The following LPCAT1 variants were observed in gnomAD, a reference collection of about 807,000 sequenced individuals.
The protein encoded by LPCAT1 is lysophosphatidylcholine acyltransferase 1.
A neutral mutation model predicts 60.9 loss-of-function variants in LPCAT1; 23 were observed. The observed-to-expected ratio is 0.38, with a 90% confidence interval of 0.27 to 0.53. The LOEUF is 0.53. LPCAT1 is among the 20% of genes least tolerant of loss of function. The pLI, the probability that LPCAT1 is intolerant of heterozygous loss-of-function variation, is 0.82. For missense variants in LPCAT1, 622 were observed against 723.6 expected, an observed-to-expected ratio of 0.86 and a Z score of 1.61; for synonymous variants, 340 against 301.1, an observed-to-expected ratio of 1.13 and a Z score of -1.34.
In LPCAT1 at chr5:1,471,505, A is replaced by T. The variant is rs536847859; in HGVS notation, c.1180-581T>A. ...CTGCACTTCTGATGACGATGGGGAC[A>T]GTCTGCACGTGGCTGCAGGGTGTGC... On this transcript the variant is annotated intron_variant, in intron 11 of 13. Transcript: ENST00000283415. Among the ~76,000 whole-genome samples, 9 of 152,368 alleles carry T rather than the reference A, an allele frequency of 5.9e-5. 1 individual carries two copies. In the East Asian group the frequency reaches 1.7e-3, roughly 29 times the overall value.
chr5:1,515,608 T>C (rs1333954722), intron 1 of LPCAT1, among the ~76,000 whole-genome samples: 3 of 146,058 alleles, frequency 2.1e-5, no homozygotes, highest in East Asian at 2.0e-4. Context: ...TATCTACAGA[T>C]ACTGGGACCC....
intron 12 of LPCAT1, among the ~76,000 whole-genome samples, chr5:1,469,948 G>A (rs1232594004): frequency 6.6e-6 from 1 of 152,236 alleles, no homozygotes; most frequent in East Asian, 1.9e-4. Context: ...AAATGTTGAG[G>A]TCATCGAGTT....
chr5:1,513,448 C>G (rs1042696252), intron 1 of LPCAT1, among the ~76,000 whole-genome samples: 4 of 152,160 alleles, frequency 2.6e-5, no homozygotes, highest in Non-Finnish European at 5.9e-5. Context: ...GGCAGGTGCT[C>G]GCAAGAAGAA....
intron 11 of LPCAT1, among the ~76,000 whole-genome samples, chr5:1,471,423 G>T (rs1322050031): frequency 6.6e-6 from 1 of 152,228 alleles, no homozygotes; most frequent in Non-Finnish European, 1.5e-5. Context: ...AGTCTCCAGG[G>T]ACATGCTGAT....
At chr5:1,501,704 G>A in intron 1 of LPCAT1, 101 bp from the exon 2 acceptor site, 1 of 1,222,980 alleles carries the variant, frequency 8.2e-7, no homozygotes, top group Admixed American at 1.9e-5. Context: ...GCCCCACAGA[G>A]TGGAGAGCTG....
intron 11 of LPCAT1, among the ~76,000 whole-genome samples, chr5:1,471,906 G>A (rs1229589184): frequency 6.7e-6 from 1 of 148,416 alleles, no homozygotes; most frequent in Admixed American, 6.7e-5. Flanking sequence ...AAGATGAGGA[G>A]CACCCAGGAG....
chr5:1,508,186 G>C (rs1362530223), intron 1 of LPCAT1, among the ~76,000 whole-genome samples: 1 of 152,190 alleles, frequency 6.6e-6, no homozygotes, highest in African/African-American at 2.4e-5. Flanking sequence ...GCGCCAAGCA[G>C]GGCGGGCACA....
Position 1,480,464 on chromosome 5 carries a change from G to T in LPCAT1, c.761+478C>A. On this transcript the variant is annotated intron_variant, in intron 7 of 13. Coordinates refer to ENST00000283415, the MANE Select transcript of LPCAT1 (RefSeq NM_024830.5). This position sits in a 1 kb window ranked among gnomAD's most constrained non-coding sequence, Gnocchi z 6.4. ...CTGTGGCCCCGGGCTTCTCCTCTGGGGCTCGTTCCCGTTTCCGTGGGGTTG... is the reference window on the plus strand; with the variant it reads ...CTGTGGCCCCGGGCTTCTCCTCTGGTGCTCGTTCCCGTTTCCGTGGGGTTG... 1 of 707,280 alleles carries T rather than the reference G, an allele frequency of 1.4e-6. No individual in the cohort carries two copies. Among genetic ancestry groups the T allele is most frequent in the Non-Finnish European group, 1.7e-6 (1 of 575,972 alleles). The allele number at this position is 707,280 out of a possible 1,614,324, so 43.8% of individuals were successfully genotyped here.
intron 2 of LPCAT1, among the ~76,000 whole-genome samples, chr5:1,498,741 T>C (rs1308169775): frequency 2.0e-5 from 3 of 152,112 alleles, no homozygotes; most frequent in Non-Finnish European, 2.9e-5. Context: ...CATATATACA[T>C]GCACTCACAT....
In LPCAT1 at chr5:1,494,636, C is replaced by T. The variant is rs544186442; in HGVS notation, c.493+64G>A. 4.6e-5 allele frequency: 66 copies of T among 1,449,776 alleles called. No homozygotes were observed. The African/African-American group carries it at 7.4e-4, about 16-fold the overall frequency. 89.8% of individuals were successfully genotyped at this position (1,449,776 alleles called of 1,614,324 possible). A position where few individuals can be genotyped will look rare whatever the true frequency, so the allele number is the denominator to read the frequency against. ...GAGGGGAATCTCTTATTCTCAGCAG[C>T]AGGGGGATCTCTCACTCCCAGCAGG... On this transcript the variant is annotated intron_variant, in intron 3 of 13. Coordinates refer to ENST00000283415, the MANE Select transcript of LPCAT1 (RefSeq NM_024830.5).
intron 2 of LPCAT1, among the ~76,000 whole-genome samples, chr5:1,501,039 G>A (rs1735984705): frequency 6.6e-6 from 1 of 152,148 alleles, no homozygotes; most frequent in Non-Finnish European, 1.5e-5. Context: ...CCATGGGCAG[G>A]GCCAGAGCTG....
chr5:1,470,698 C>T (rs7725530), intron 12 of LPCAT1, 128 bp downstream of exon 12: 42 of 640,120 alleles, frequency 6.6e-5, no homozygotes, highest in Admixed American at 2.1e-4. Flanking sequence ...AAAAAGCTTA[C>T]GTAAAAATAG....
Position 1,508,577 on chromosome 5 carries a change from G to A in LPCAT1, c.136-6974C>T, listed in dbSNP as rs533181624. On this transcript the variant is annotated intron_variant, in intron 1 of 13. Coordinates refer to ENST00000283415, the MANE Select transcript of LPCAT1 (RefSeq NM_024830.5). ...ACCAGCCCTGCTGCGCCTCGGTCTC[G>A]GACTCCAGCCTCCAGGATGGTGAGA... Among the ~76,000 whole-genome samples, 20 of 152,234 alleles carry A rather than the reference G, an allele frequency of 1.3e-4. No individual in the cohort carries two copies. The East Asian group carries it at 2.9e-3, about 22-fold the overall frequency.
rs1345117026 is a variant in LPCAT1, at chr5:1,495,810, G to A, written c.279-896C>T. On this transcript the variant is annotated intron_variant, in intron 2 of 13. Transcript: ENST00000283415. The surrounding 1 kb of genome is among the most constrained non-coding windows in gnomAD (Gnocchi z 4.7). ...CCTGAAGCCTTACTGGATTCACATT[G>A]CCCTGGGACAGATGATCCTCCCAGA... Among the ~76,000 whole-genome samples, 2 of 152,210 alleles carry A rather than the reference G, an allele frequency of 1.3e-5. No homozygotes were observed. Among genetic ancestry groups the A allele is most frequent in the Non-Finnish European group, 2.9e-5 (2 of 68,036 alleles).
Position 1,476,408 on chromosome 5 carries a change from G to A in LPCAT1, c.899+996C>T, listed in dbSNP as rs1020208484. Among the ~76,000 whole-genome samples the A allele has an allele frequency of 2.0e-5, 3 of 152,100 alleles. No individual in the cohort carries two copies. The highest frequency in any genetic ancestry group is 7.2e-5 in the African/African-American group (3 of 41,404). The stretch of plus-strand genomic sequence containing the variant: ...GGAGAGGATGGGAACGTGAGGGAAC[G>A]GGCCGCCCAGCTGAATCTTCAGGGT... On this transcript the variant is annotated intron_variant, in intron 9 of 13. Coordinates refer to ENST00000283415, the MANE Select transcript of LPCAT1 (RefSeq NM_024830.5). The surrounding 1 kb of genome is among the most constrained non-coding windows in gnomAD (Gnocchi z 8.6).
At chr5:1,518,620 G>A (rs969412280) in intron 1 of LPCAT1, among the ~76,000 whole-genome samples, 1 of 152,242 alleles carries the variant, frequency 6.6e-6, no homozygotes, top group Non-Finnish European at 1.5e-5. Flanking sequence ...GATTACAGGC[G>A]TGAGCCGTTG....
chr5:1,477,834 C>A lies in LPCAT1; in HGVS notation c.817-348G>T, dbSNP rs1352589465. The stretch of plus-strand genomic sequence containing the variant: ...TGGCTCTCTGATCTACACTCACCCC[C>A]GTCAGTGCTCCTGGGAGCGCCTGCT... On this transcript the variant is annotated intron_variant, in intron 8 of 13. Coordinates refer to ENST00000283415, the MANE Select transcript of LPCAT1 (RefSeq NM_024830.5). This position sits in a 1 kb window ranked among gnomAD's most constrained non-coding sequence, Gnocchi z 6.0. 5.6e-5 allele frequency among the ~76,000 whole-genome samples: 1 copy of A among 17,990 alleles called. No homozygotes were observed. Among genetic ancestry groups the A allele is most frequent in the Admixed American group, 4.2e-4 (1 of 2,372 alleles). 11.8% of individuals were successfully genotyped at this position (17,990 alleles called of 152,430 possible).
At chr5:1,506,989 C>T (rs1299196062) in intron 1 of LPCAT1, among the ~76,000 whole-genome samples, 1 of 152,212 alleles carries the variant, frequency 6.6e-6, no homozygotes, top group African/African-American at 2.4e-5. Context: ...GCATGCGGAA[C>T]CAAGACATCA....
intron 2 of LPCAT1, 55 bp from the exon 3 acceptor site, chr5:1,494,969 T>A: frequency 1.3e-6 from 2 of 1,498,316 alleles, no homozygotes; most frequent in Non-Finnish European, 1.8e-6. Context: ...TCGGAGTCTG[T>A]GTGAGGCACA....
Sources: allele counts gnomAD v4.1 joint callset (sites outside exome capture counted in the v4.1 genomes callset), GRCh38; gene constraint gnomAD v4.1.1; non-coding constraint Gnocchi (gnomAD v3.1); transcripts MANE v1.5; gene names NCBI Gene and HGNC (gene_info 2026-07-23, HGNC 2026-07-21).